The following ZC3H13 variants were observed in gnomAD, a reference collection of about 807,000 sequenced individuals.
The protein encoded by ZC3H13 is zinc finger CCCH-type containing 13, also known as zinc finger CCCH domain-containing protein 13.
ZC3H13 carries 64 observed loss-of-function variants against 204.1 expected under a neutral mutation model. The ratio of observed to expected loss-of-function variants is 0.31; its 90% CI spans 0.26 to 0.39. ZC3H13 has a LOEUF of 0.39. Ranked by LOEUF, ZC3H13 falls within the 10% of genes least tolerant of loss-of-function variation. ZC3H13 has a pLI of 1.00. For missense variants in ZC3H13, 1,833 were observed against 2,082.7 expected, an observed-to-expected ratio of 0.88 and a Z score of 2.33; for synonymous variants, 667 against 693.7, an observed-to-expected ratio of 0.96 and a Z score of 0.60.
intron 8 of ZC3H13, among the ~76,000 whole-genome samples, chr13:45,994,518 G>A (rs2040194841): frequency 1.3e-5 from 2 of 152,184 alleles, no homozygotes; most frequent in African/African-American, 4.8e-5. Flanking sequence ...GTGGTTCAAG[G>A]TAAGAGCCTT....
Position 45,967,779 on chromosome 13 carries a change from C to T in ZC3H13, c.4046G>A (p.Arg1349Gln), listed in dbSNP as rs1303189672. The T allele has an allele frequency of 6.2e-6, 10 of 1,611,118 alleles. No homozygotes were observed. Among genetic ancestry groups the T allele is most frequent in the African/African-American group, 5.3e-5 (4 of 74,848 alleles). The change falls in exon 15 of 19, where the codon CGA (arginine) becomes CAA (glutamine). Residue 1349 changes from arginine (R) to glutamine (Q), a missense_variant. Transcript: ENST00000679008. ...CCTATCCAAGTCTCTCCTTTTGTCTCGTTCTCTCTCTCGTTCTCGTTCTCG... is the reference window on the plus strand; with the variant it reads ...CCTATCCAAGTCTCTCCTTTTGTCTTGTTCTCTCTCTCGTTCTCGTTCTCG... Reference protein sequence around the residue: ...RLRERERERERDKRRDLDRER... With the variant: ...RLREREREREQDKRRDLDRER...
At chr13:46,000,437 G>A (rs550276723) in intron 8 of ZC3H13, among the ~76,000 whole-genome samples, 8 of 152,226 alleles carry the variant, frequency 5.3e-5, no homozygotes, top group Admixed American at 2.0e-4. Flanking sequence ...TTTGTGCTAC[G>A]GAGATGGCTT....
chr13:46,040,924 T>C (rs575010159), intron 4 of ZC3H13, among the ~76,000 whole-genome samples: 2 of 152,238 alleles, frequency 1.3e-5, no homozygotes, highest in South Asian at 4.1e-4. Context: ...ATCAAAAAGT[T>C]AGATAACAAA....
Position 46,003,206 on chromosome 13 carries a change from TTTC to T in ZC3H13, c.874_876del (p.Glu292del). The T allele has an allele frequency of 6.2e-7, 1 of 1,613,236 alleles. No homozygotes were observed. Among genetic ancestry groups the T allele is most frequent in the Non-Finnish European group, 8.5e-7 (1 of 1,179,792 alleles). On this transcript the variant is annotated inframe_deletion, in exon 8 of 19. Transcript: ENST00000679008. ...CCTCTGTCCTTTCCATCTCTTGTTT[TTTC>T]TTCTATCCTGTCTTTTACTTTATAT...
rs549241369 is a variant in ZC3H13, at chr13:45,959,584, C to T, written c.4738G>A (p.Glu1580Lys). The change falls in exon 18 of 19, where the codon GAA becomes AAA. Residue 1580 changes from glutamate to lysine, a missense_variant. Transcript: ENST00000679008. ...ALNMAALLRK[E>K]ERASLLSNLG... ...TTACTAAGAAGACTTGCTCTTTCTT[C>T]TTTTCGTAGTAATGCAGCCATATTG... is the stretch of plus-strand genomic sequence containing the variant. The T allele has an allele frequency of 1.1e-4, 169 of 1,549,074 alleles. No individual in the cohort carries two copies. The highest frequency in any genetic ancestry group is 9.5e-4 in the Admixed American group (48 of 50,704).
intron 11 of ZC3H13, among the ~76,000 whole-genome samples, chr13:45,979,297 G>GT (rs1215004682): frequency 6.6e-6 from 1 of 151,986 alleles, no homozygotes; most frequent in East Asian, 1.9e-4. Context: ...ATATAAGAAC[G>GT]TAAAATTAGC....
chr13:45,968,924 C>T lies in ZC3H13; in HGVS notation c.3620G>A (p.Arg1207His), dbSNP rs551063325. Residue 1207 changes from arginine to histidine, a missense_variant, in exon 14 of 19, where the codon CGC becomes CAC. This residue lies in a region of ZC3H13 where 1,574 missense variants were observed against 1,757.2 expected (regional missense o/e 0.90). Transcript: ENST00000679008. The stretch of plus-strand genomic sequence containing the variant: ...ATGGGCTGAATCATTGGATGGGGAG[C>T]GAAGACGACCAGACGTATGACTACG... ...SNRSHTSGRL[R>H]SPSNDSAHRS... The T allele has an allele frequency of 3.1e-6, 5 of 1,614,124 alleles. No individual in the cohort carries two copies. The highest frequency in any genetic ancestry group is 4.2e-6 in the Non-Finnish European group (5 of 1,180,016).
intron 8 of ZC3H13, among the ~76,000 whole-genome samples, chr13:45,992,419 G>A (rs1228023656): frequency 1.3e-5 from 2 of 152,178 alleles, no homozygotes; most frequent in African/African-American, 4.8e-5. Context: ...TTAAGTGCTT[G>A]TCATATATTA....
Position 46,011,558 on chromosome 13 carries a change from T to A in ZC3H13, c.449-4A>T. 1 of 1,552,766 alleles carries A rather than the reference T, an allele frequency of 6.4e-7. No individual in the cohort carries two copies. Among genetic ancestry groups the A allele is most frequent in the Non-Finnish European group, 8.7e-7 (1 of 1,152,422 alleles). On this transcript the variant is annotated splice_region_variant and splice_polypyrimidine_tract_variant and intron_variant, in intron 5 of 18. Coordinates refer to ENST00000679008, the MANE Select transcript of ZC3H13 (RefSeq NM_001330564.2). ...TTAATATCTCCATTGTCAGAATCTT[T>A]AAAATAAAATTGCATTACTGTTAGA...
intron 8 of ZC3H13, among the ~76,000 whole-genome samples, chr13:45,992,208 A>T (rs1025329454): frequency 6.6e-6 from 1 of 152,202 alleles, no homozygotes; most frequent in Admixed American, 6.5e-5. Context: ...TTTAGGTTCT[A>T]TTATTTTACA....
intron 10 of ZC3H13, 76 bp from the exon 11 acceptor site, chr13:45,980,080 T>G: frequency 8.1e-7 from 1 of 1,228,598 alleles, no homozygotes; most frequent in East Asian, 2.6e-5. Context: ...TAATCTTTCC[T>G]CCTAAACATC....
chr13:46,051,995 G>GAAAAAAAA (rs1187342046), intron 1 of ZC3H13: 1 of 13,968 alleles, frequency 7.2e-5, no homozygotes, highest in Admixed American at 6.4e-4. Flanking sequence ...CACTGCTGAG[G>GAAAAAAAA]GAAAAAAAAA....
intron 11 of ZC3H13, among the ~76,000 whole-genome samples, chr13:45,979,372 G>A (rs1352860667): frequency 6.6e-6 from 1 of 151,952 alleles, no homozygotes; most frequent in Non-Finnish European, 1.5e-5. Context: ...ACAATCCCCA[G>A]CCCTATCATT....
chr13:46,004,140 C>CTGTGTGTG (rs113622879), intron 7 of ZC3H13, among the ~76,000 whole-genome samples: 263 of 149,672 alleles, frequency 1.8e-3, no homozygotes, highest in Non-Finnish European at 2.2e-3. Flanking sequence ...AATGGTAACT[C>CTGTGTGTG]TGTGTGTGTG....
intron 4 of ZC3H13, among the ~76,000 whole-genome samples, chr13:46,038,388 AT>A (rs1179710351): frequency 6.6e-6 from 1 of 152,136 alleles, no homozygotes; most frequent in East Asian, 1.9e-4. Flanking sequence ...TCCATTGTGC[AT>A]TTTGCTCGTA....
chr13:46,013,318 G>T (rs947962584), intron 5 of ZC3H13, among the ~76,000 whole-genome samples: 1 of 152,030 alleles, frequency 6.6e-6, no homozygotes, highest in East Asian at 1.9e-4. Flanking sequence ...GGAGTCAGAG[G>T]CAGGAGAATT....
intron 15 of ZC3H13, among the ~76,000 whole-genome samples, 190 bp downstream of exon 15, chr13:45,967,314 C>T (rs1256722993): frequency 6.6e-6 from 1 of 151,878 alleles, no homozygotes; most frequent in African/African-American, 2.4e-5. Context: ...GCTAAGGGGA[C>T]CACATTAAAA....
intron 13 of ZC3H13, 100 bp downstream of exon 13, chr13:45,970,262 T>C: frequency 7.4e-7 from 1 of 1,342,398 alleles, no homozygotes. Context: ...AGACAACTTT[T>C]TAAAAATCTT....
rs1954124607 is a variant in ZC3H13, at chr13:45,985,729, A to T, written c.1288T>A (p.Ser430Thr). Residue 430 changes from serine (S) to threonine (T), a missense_variant, in exon 10 of 19, where the codon TCA becomes ACA. By Grantham distance (58) the Ser-to-Thr change is moderately conservative (BLOSUM62 1). Around this residue, in one of 5 missense-constraint regions of ZC3H13, gnomAD observed 1,574 missense variants for 1,757.2 expected, o/e 0.90. Transcript: ENST00000679008. The stretch of plus-strand genomic sequence containing the variant: ...TGTTCATATTCTCGTTCTTCTCTTG[A>T]GTCCTTTTCTCTGTCTCGTTTGCCC... ...TRGKRDREKD[S>T]REEREYEQDQ... is the part of the protein sequence containing the mutation. 1.2e-6 allele frequency: 2 copies of T among 1,611,918 alleles called. No homozygotes were observed. The highest frequency in any genetic ancestry group is 1.3e-5 in the African/African-American group (1 of 74,692).
Sources: gnomAD v4.1 joint callset for allele counts (sites outside exome capture counted in the v4.1 genomes callset) on GRCh38, gnomAD v4.1.1 for gene constraint, gnomAD v4.1.1 regional missense constraint, MANE v1.5 for transcripts, NCBI Gene and HGNC (gene_info 2026-07-23, HGNC 2026-07-21) for gene names.